PARP16: variants seen among roughly 807,000 people sequenced by gnomAD.
The protein encoded by PARP16 is protein mono-ADP-ribosyltransferase PARP16.
Under a neutral mutation model 35.0 loss-of-function variants are expected in PARP16, and 31 were observed. That is an observed-to-expected ratio of 0.88 (90% CI 0.66 to 1.19). The LOEUF (loss-of-function observed/expected upper bound fraction) is 1.19. Among genes scored for constraint, PARP16 ranks in the 50% most tolerant of loss-of-function variants. PARP16 has a pLI of 0.00. For missense variants in PARP16, 424 were observed against 411.2 expected, an observed-to-expected ratio of 1.03 and a Z score of -0.27; for synonymous variants, 162 against 169.5, an observed-to-expected ratio of 0.96 and a Z score of 0.34.
chr15:65,266,302 A>C (rs998058003), intron 3 of PARP16, among the ~76,000 whole-genome samples: 4 of 151,952 alleles, frequency 2.6e-5, no homozygotes, highest in African/African-American at 9.7e-5. Context: ...AACTATAACC[A>C]GTGCAGGAAT....
rs56289267 is a variant in PARP16, at chr15:65,277,150, C to G, written c.175-6078G>C. On this transcript the variant is annotated intron_variant, in intron 1 of 5. Coordinates refer to ENST00000649807, the MANE Select transcript of PARP16 (RefSeq NM_001316943.2). Reference sequence around the variant, plus strand: ...CCTGCCACTAACTCCCTCCCCACCCCCAATGCTATTCCTCATGTGACCTAT... The same window carrying G: ...CCTGCCACTAACTCCCTCCCCACCCGCAATGCTATTCCTCATGTGACCTAT... Among the ~76,000 whole-genome samples the G allele has an allele frequency of 8.1e-3, 1,235 of 152,252 alleles. 21 individuals carry two copies. Among genetic ancestry groups the G allele is most frequent in the African/African-American group, 0.029 (1,188 of 41,530 alleles).
intron 1 of PARP16, among the ~76,000 whole-genome samples, chr15:65,272,705 A>G (rs1324649097): frequency 1.3e-5 from 2 of 151,982 alleles, no homozygotes; most frequent in East Asian, 1.9e-4. Context: ...TGTTTTTCCA[A>G]TTCTCCTCTT....
chr15:65,280,330 G>C (rs974395493), intron 1 of PARP16, among the ~76,000 whole-genome samples: 1 of 151,568 alleles, frequency 6.6e-6, no homozygotes, highest in African/African-American at 2.4e-5. Context: ...CCAGCTACAC[G>C]GGAGGCTGAC....
intron 1 of PARP16, among the ~76,000 whole-genome samples, chr15:65,276,981 T>TAAAAA (rs566620242): frequency 7.2e-6 from 1 of 139,714 alleles, no homozygotes; most frequent in South Asian, 2.3e-4. Flanking sequence ...AAACTTCATC[T>TAAAAA]AAAAAAAAAA....
rs1368143201 is a variant in PARP16 at position 65,271,019 on chromosome 15, T to G, written c.228A>C (p.Gly76=). Residue 76 remains glycine (G), a synonymous_variant, in exon 2 of 6, where the codon GGA becomes GGC. Coordinates refer to ENST00000649807, the MANE Select transcript of PARP16 (RefSeq NM_001316943.2). ...PNLKELLQSS[G]DNHKRAWDLV... ...GGTCCCAGGCCCGTTTGTGGTTGTCTCCGGAGGACTGGAGAAGTTCTTTCA... is the reference window on the plus strand; with the variant it reads ...GGTCCCAGGCCCGTTTGTGGTTGTCGCCGGAGGACTGGAGAAGTTCTTTCA... 1 of 1,614,076 alleles carries G rather than the reference T, an allele frequency of 6.2e-7. No homozygotes were observed. The highest frequency in any genetic ancestry group is 8.5e-7 in the Non-Finnish European group (1 of 1,179,940).
Position 65,258,428 on chromosome 15 carries a change from C to T in PARP16, c.*979G>A, listed in dbSNP as rs1297474468. On this transcript the variant is annotated 3_prime_UTR_variant, in exon 6 of 6. Transcript: ENST00000649807. ...ATCTGTGGCACACTGGGGCAGGCCT[C>T]TGTCTTGAAGGCCAGTAGGCCACAG... 1 of 152,240 alleles carries T rather than the reference C, an allele frequency of 6.6e-6. No homozygotes were observed. The highest frequency in any genetic ancestry group is 2.1e-4 in the South Asian group (1 of 4,834). 9.4% of individuals were successfully genotyped at this position (152,240 alleles called of 1,614,324 possible). A position where few individuals can be genotyped will look rare whatever the true frequency, so the allele number is the denominator to read the frequency against.
At chr15:65,234,981 T>A (rs919717322) in intron 3 of PARP16, among the ~76,000 whole-genome samples, 1 of 151,312 alleles carries the variant, frequency 6.6e-6, no homozygotes, top group Non-Finnish European at 1.5e-5. Flanking sequence ...AAACCCCGTC[T>A]CTACTAAAAA....
At chr15:65,239,424 T>TAAAAAAAAAAAAAAA (rs758350761) in intron 3 of PARP16, among the ~76,000 whole-genome samples, 3 of 6,962 alleles carry the variant, frequency 4.3e-4, no homozygotes, top group African/African-American at 6.2e-4. Context: ...AGACTTTGCC[T>TAAAAAAAAAAAAAAA]AAAAAAAAAA....
chr15:65,231,503 G>A (rs998167108), downstream of PARP16, among the ~76,000 whole-genome samples: 1 of 148,846 alleles, frequency 6.7e-6, no homozygotes, highest in African/African-American at 2.5e-5. Context: ...AGGCTAAAGT[G>A]CAGGGTCACG....
At chr15:65,278,756 C>T (rs1371897685) in intron 1 of PARP16, among the ~76,000 whole-genome samples, 1 of 152,158 alleles carries the variant, frequency 6.6e-6, no homozygotes, top group East Asian at 1.9e-4. Context: ...AAAGGTGCGG[C>T]AGCAGGAAAG....
At chr15:65,263,920 G>A (rs1431300507) in intron 3 of PARP16, among the ~76,000 whole-genome samples, 5 of 152,038 alleles carry the variant, frequency 3.3e-5, no homozygotes, top group African/African-American at 1.2e-4. Flanking sequence ...TACAGGGAAG[G>A]GGTCCCACCT....
intron 1 of PARP16, among the ~76,000 whole-genome samples, chr15:65,283,885 T>A (rs2090496393): frequency 6.6e-6 from 1 of 152,228 alleles, no homozygotes. Flanking sequence ...TATCTGAACC[T>A]GCAAGAACAA....
intron 2 of PARP16, among the ~76,000 whole-genome samples, chr15:65,248,433 T>C (rs949320730): frequency 3.3e-5 from 5 of 152,016 alleles, no homozygotes; most frequent in Non-Finnish European, 7.4e-5. Context: ...AATTCAACTA[T>C]GCAAGCAGTA....
chr15:65,267,896 T>C (rs1020038827), intron 2 of PARP16, among the ~76,000 whole-genome samples: 12 of 151,812 alleles, frequency 7.9e-5, no homozygotes, highest in African/African-American at 2.9e-4. Context: ...TTTCACCATC[T>C]TGGCCAGGCT....
At chr15:65,271,719 C>T (rs949733963) in intron 1 of PARP16, among the ~76,000 whole-genome samples, 1 of 152,170 alleles carries the variant, frequency 6.6e-6, no homozygotes, top group Non-Finnish European at 1.5e-5. Context: ...TGGCATGCCA[C>T]CCACTGGAGG....
chr15:65,284,601 C>T (rs1567042881), intron 1 of PARP16, among the ~76,000 whole-genome samples: 1 of 151,876 alleles, frequency 6.6e-6, no homozygotes, highest in African/African-American at 2.4e-5. Context: ...GCTGGGATTA[C>T]AGGTGTGAGC....
At chr15:65,271,198 C>T in intron 1 of PARP16, 126 bp from the exon 2 acceptor site, 1 of 818,260 alleles carries the variant, frequency 1.2e-6, no homozygotes, top group Non-Finnish European at 2.0e-6. Flanking sequence ...AGAGGAAATT[C>T]ACAGGTCTAC....
downstream of PARP16, chr15:65,234,337 G>A (rs557986989): frequency 2.0e-5 from 3 of 152,116 alleles, no homozygotes; most frequent in African/African-American, 4.8e-5. Flanking sequence ...GAGAGTTTCC[G>A]GGATTCTCTC....
intron 2 of PARP16, among the ~76,000 whole-genome samples, chr15:65,249,260 G>A (rs545372512): frequency 2.6e-5 from 4 of 152,352 alleles, no homozygotes; most frequent in Admixed American, 2.6e-4. Flanking sequence ...AGCCATTTGA[G>A]TGTGACGACT....
Sources: gnomAD v4.1 joint callset for allele counts (sites outside exome capture counted in the v4.1 genomes callset) on GRCh38, gnomAD v4.1.1 for gene constraint, MANE v1.5 for transcripts, NCBI Gene and HGNC (gene_info 2026-07-23, HGNC 2026-07-21) for gene names.